Variants in SLC1A2 observed in about 807,000 individuals in gnomAD.
SLC1A2 encodes excitatory amino acid transporter 2.
A neutral mutation model predicts 48.8 loss-of-function variants in SLC1A2; 15 were observed. The ratio of observed to expected loss-of-function variants is 0.31; its 90% CI spans 0.21 to 0.47. The LOEUF is 0.47. Among genes scored for constraint, SLC1A2 ranks in the 20% least tolerant of loss-of-function variants. The pLI is 0.99. For missense variants in SLC1A2, 502 were observed against 730.5 expected, an observed-to-expected ratio of 0.69 and a Z score of 3.61; for synonymous variants, 279 against 272.6, an observed-to-expected ratio of 1.02 and a Z score of -0.23.
chr11:35,371,954 G>T (rs889878464), intron 1 of SLC1A2, among the ~76,000 whole-genome samples: 5 of 152,218 alleles, frequency 3.3e-5, no homozygotes, highest in Admixed American at 3.3e-4. Context: ...AATGATAGTA[G>T]CCTGAGAGTT....
chr11:35,273,721 G>A (rs1261494559), intron 9 of SLC1A2, among the ~76,000 whole-genome samples: 1 of 152,202 alleles, frequency 6.6e-6, no homozygotes, highest in Non-Finnish European at 1.5e-5. Context: ...CTTGAGGACT[G>A]AGACTATGTT....
In SLC1A2 at chr11:35,352,789, C is replaced by A. The variant is rs185504339; in HGVS notation, c.18-35273G>T. Among the ~76,000 whole-genome samples, 14 of 152,124 alleles carry A rather than the reference C, an allele frequency of 9.2e-5. No homozygotes were observed. The East Asian group carries it at 2.3e-3, about 25-fold the overall frequency. ...TCATGCATGGCTAAACTGCACCATG[C>A]GAGAAATCAATGGGAACTCAAGGGA... On this transcript the variant is annotated intron_variant, in intron 1 of 10. Coordinates refer to ENST00000278379, the MANE Select transcript of SLC1A2 (RefSeq NM_004171.4).
At chr11:35,298,785 C>T (rs551010060) in intron 6 of SLC1A2, 4 of 152,340 alleles carry the variant, frequency 2.6e-5, no homozygotes, top group Admixed American at 2.6e-4. Flanking sequence ...ATCCCACAGA[C>T]TCATCTGATG....
chr11:35,278,656 G>A (rs1181644513), intron 9 of SLC1A2, among the ~76,000 whole-genome samples: 4 of 151,920 alleles, frequency 2.6e-5, no homozygotes, highest in African/African-American at 4.8e-5. Context: ...TCCTCCCTTC[G>A]GCCACTTGCA....
chr11:35,270,641 T>C (rs115832738), intron 9 of SLC1A2, among the ~76,000 whole-genome samples: 1,836 of 152,258 alleles, frequency 0.012, 40 homozygotes, highest in African/African-American at 0.042. Flanking sequence ...CAAAAAGAAA[T>C]GAGTACAGAG....
intron 1 of SLC1A2, among the ~76,000 whole-genome samples, chr11:35,326,141 G>A (rs1025291440): frequency 3.3e-5 from 5 of 152,136 alleles, no homozygotes; most frequent in African/African-American, 1.2e-4. Flanking sequence ...GATGGAACGA[G>A]GAACCACTCT....
At chr11:35,336,249 G>A (rs1379768282) in intron 1 of SLC1A2, among the ~76,000 whole-genome samples, 1 of 152,100 alleles carries the variant, frequency 6.6e-6, no homozygotes, top group Non-Finnish European at 1.5e-5. Flanking sequence ...GTTGATAAGT[G>A]CAACAAACCG....
At chr11:35,372,366 T>G (rs1388251447) in intron 1 of SLC1A2, among the ~76,000 whole-genome samples, 1 of 152,256 alleles carries the variant, frequency 6.6e-6, no homozygotes, top group Non-Finnish European at 1.5e-5. Flanking sequence ...CCCTCTCCCC[T>G]GCTTTGGTGG....
chr11:35,406,011 AATAAG>A (rs1255926813), intron 1 of SLC1A2, among the ~76,000 whole-genome samples: 1 of 152,264 alleles, frequency 6.6e-6, no homozygotes, highest in Non-Finnish European at 1.5e-5. Context: ...TGATAATGAT[AATAAG>A]ATGAGGCACA....
chr11:35,300,217 A>G (rs1851307143), intron 6 of SLC1A2, among the ~76,000 whole-genome samples: 2 of 152,216 alleles, frequency 1.3e-5, no homozygotes, highest in African/African-American at 4.8e-5. Flanking sequence ...GGGTTTTGAT[A>G]CCAATATGAA....
At chr11:35,403,881 T>C (rs79195982) in intron 1 of SLC1A2, among the ~76,000 whole-genome samples, 994 of 33,010 alleles carry the variant, frequency 0.03, no homozygotes, top group South Asian at 0.052. Flanking sequence ...TCCTGTTCCC[T>C]AAAAGCAAGG....
intron 9 of SLC1A2, among the ~76,000 whole-genome samples, chr11:35,275,039 T>A (rs1482598687): frequency 3.3e-5 from 5 of 152,200 alleles, no homozygotes; most frequent in Admixed American, 1.3e-4. Context: ...ATCATCAGAA[T>A]CACCTGGGAA....
intron 9 of SLC1A2, among the ~76,000 whole-genome samples, chr11:35,273,268 G>A (rs1367886268): frequency 1.3e-5 from 2 of 152,182 alleles, no homozygotes; most frequent in East Asian, 3.9e-4. Flanking sequence ...GGCTGGCACA[G>A]CTCTGGGCAT....
chr11:35,301,104 T>C (rs1851341439), intron 6 of SLC1A2, among the ~76,000 whole-genome samples: 1 of 152,178 alleles, frequency 6.6e-6, no homozygotes, highest in South Asian at 2.1e-4. Context: ...GAAGTTGGTC[T>C]GCAACCTGGA....
chr11:35,383,680 A>G (rs189989042), intron 1 of SLC1A2, among the ~76,000 whole-genome samples: 9 of 152,388 alleles, frequency 5.9e-5, no homozygotes, highest in African/African-American at 2.2e-4. Flanking sequence ...TGCCTGGCAT[A>G]GAACAGGTTC....
chr11:35,399,115 A>G (rs956759239), intron 1 of SLC1A2, among the ~76,000 whole-genome samples: 1 of 152,284 alleles, frequency 6.6e-6, no homozygotes. Context: ...TTGGTTTGGA[A>G]TCTGTTCCTA....
At chr11:35,271,085 G>C (rs1194592911) in intron 9 of SLC1A2, among the ~76,000 whole-genome samples, 1 of 152,192 alleles carries the variant, frequency 6.6e-6, no homozygotes, top group Non-Finnish European at 1.5e-5. Context: ...AGGACTTGAA[G>C]ACTGATTGGT....
chr11:35,313,716 C>A (rs1416345872), intron 3 of SLC1A2, among the ~76,000 whole-genome samples: 1 of 152,202 alleles, frequency 6.6e-6, no homozygotes, highest in East Asian at 1.9e-4. Flanking sequence ...AGAACATTTT[C>A]TCTGGTTTAT....
At chr11:35,328,024 A>T (rs1030283465) in intron 1 of SLC1A2, among the ~76,000 whole-genome samples, 2 of 152,244 alleles carry the variant, frequency 1.3e-5, no homozygotes, top group African/African-American at 2.4e-5. Context: ...GAGAGGGAAG[A>T]TAGAGAGAGG....
Sources: gnomAD v4.1 joint callset for allele counts (sites outside exome capture counted in the v4.1 genomes callset) on GRCh38, gnomAD v4.1.1 for gene constraint, MANE v1.5 for transcripts, NCBI Gene and HGNC (gene_info 2026-07-23, HGNC 2026-07-21) for gene names.